The following CAVIN4 variants were observed in gnomAD, a reference collection of about 807,000 sequenced individuals.
CAVIN4 encodes the protein caveolae-associated protein 4.
A neutral mutation model predicts 18.6 loss-of-function variants in CAVIN4; 10 were observed. The observed-to-expected ratio is 0.54, with a 90% CI of 0.33 to 0.91. CAVIN4 has a LOEUF of 0.91. CAVIN4 is among the 40% of genes least tolerant of loss of function. The probability of loss-of-function intolerance (pLI) is 0.02; values close to 1 mark genes in which losing one functional copy is unlikely to be tolerated. For synonymous variants in CAVIN4, 173 were observed against 164.8 expected (o/e 1.05, Z -0.38); for missense variants, 459 against 440.5 (o/e 1.04, Z -0.38).
intron 1 of CAVIN4, chr9:100,580,953 T>G (rs1026448401): frequency 6.6e-6 from 1 of 152,236 alleles, no homozygotes; most frequent in African/African-American, 2.4e-5. Context: ...ATCATCATAG[T>G]TAAGGTATAT....
Position 100,586,519 on chromosome 9 carries a change from G to A in CAVIN4, c.*68G>A, listed in dbSNP as rs183034024. ...CAGTTTTAGTTTGAATAGTGTAGTC[G>A]TCTACATTTCTGTGCCATGTAGGAA... On this transcript the variant is annotated 3_prime_UTR_variant, in exon 2 of 2. Transcript: ENST00000307584. 43 of 1,279,750 alleles carry A rather than the reference G, an allele frequency of 3.4e-5. No individual in the cohort carries two copies. The highest frequency in any genetic ancestry group is 1.2e-4 in the East Asian group (5 of 42,912). The allele number at this position is 1,279,750 out of a possible 1,614,324, so 79.3% of individuals were successfully genotyped here.
chr9:100,586,307 A>T lies in CAVIN4; in HGVS notation c.951A>T (p.Pro317=). 1 of 1,613,694 alleles carries T rather than the reference A, an allele frequency of 6.2e-7. No individual in the cohort carries two copies. The highest frequency in any genetic ancestry group is 8.5e-7 in the Non-Finnish European group (1 of 1,179,770). Residue 317 remains proline, a synonymous_variant, in exon 2 of 2, where the codon CCA becomes CCT. Transcript: ENST00000307584. ...SELYSDELSE[P]EHEAARPVYP... ...TCTACTCTGATGAGCTCAGTGAACC[A>T]GAACACGAGGCAGCCAGGCCGGTGT...
rs145806459 is a variant in CAVIN4, at chr9:100,583,224, T to C, written c.409-2541T>C. On this transcript the variant is annotated intron_variant, in intron 1 of 1. Coordinates refer to ENST00000307584, the MANE Select transcript of CAVIN4 (RefSeq NM_001018116.2). The stretch of plus-strand genomic sequence containing the variant: ...TCTACTCAGCTGCCTGCTCAGTGCC[T>C]CTGCCTGCATGGCTAGTGGGTGTCT... Among the ~76,000 whole-genome samples the C allele has an allele frequency of 2.0e-5, 3 of 152,308 alleles. No homozygotes were observed. The East Asian group carries it at 5.8e-4, about 29-fold the overall frequency.
intron 1 of CAVIN4, among the ~76,000 whole-genome samples, chr9:100,582,433 A>G (rs1839438733): frequency 6.6e-6 from 1 of 151,946 alleles, no homozygotes; most frequent in Non-Finnish European, 1.5e-5. Flanking sequence ...GCAGCCTCCA[A>G]CTGCTGGGGG....
At chr9:100,583,684 T>C (rs1341613585) in intron 1 of CAVIN4, among the ~76,000 whole-genome samples, 1 of 151,514 alleles carries the variant, frequency 6.6e-6, no homozygotes, top group Non-Finnish European at 1.5e-5. Context: ...TCTTGCTGTG[T>C]CACCCAGGCT....
chr9:100,586,362 A>C lies in CAVIN4; in HGVS notation c.1006A>C (p.Thr336Pro), dbSNP rs1587868838. ...TCCCCATGAAGGAAGGGAAATCCCCACCCCCGAGCCTTTAAAAGTTACTTT... is the reference window on the plus strand; with the variant it reads ...TCCCCATGAAGGAAGGGAAATCCCCCCCCCCGAGCCTTTAAAAGTTACTTT... ...YPPHEGREIP[T>P]PEPLKVTFKS... The change falls in exon 2 of 2, where the codon ACC becomes CCC. Residue 336 changes from threonine (T) to proline (P), a missense_variant. By Grantham distance (38) the Thr-to-Pro change is conservative (BLOSUM62 -1). Coordinates refer to ENST00000307584, the MANE Select transcript of CAVIN4 (RefSeq NM_001018116.2). 6.2e-7 allele frequency: 1 copy of C among 1,613,920 alleles called. No homozygotes were observed. Among genetic ancestry groups the C allele is most frequent in the Non-Finnish European group, 8.5e-7 (1 of 1,179,990 alleles).
In CAVIN4 at chr9:100,582,871, C is replaced by A. The variant is rs138595796; in HGVS notation, c.409-2894C>A. Among the ~76,000 whole-genome samples the A allele has an allele frequency of 2.7e-3, 407 of 152,270 alleles. 3 individuals carry two copies. The highest frequency in any genetic ancestry group is 9.1e-3 in the African/African-American group (379 of 41,556). On this transcript the variant is annotated intron_variant, in intron 1 of 1. Coordinates refer to ENST00000307584, the MANE Select transcript of CAVIN4 (RefSeq NM_001018116.2). ...ACCTGAAATTATTCAGTGGAAAAACCTGACCTAAAGTAGCAGGAGGCTATT... is the reference window on the plus strand; with the variant it reads ...ACCTGAAATTATTCAGTGGAAAAACATGACCTAAAGTAGCAGGAGGCTATT...
rs1839505153 is a variant in CAVIN4 at position 100,588,319 on chromosome 9, A to G, written c.*1868A>G. Among the ~76,000 whole-genome samples, 1 of 152,212 alleles carries G rather than the reference A, an allele frequency of 6.6e-6. No individual in the cohort carries two copies. The highest frequency in any genetic ancestry group is 2.4e-5 in the African/African-American group (1 of 41,454). On this transcript the variant is annotated 3_prime_UTR_variant, in exon 2 of 2. Transcript: ENST00000307584. ...AATAATTTTAAAATGTTTTTATGAC[A>G]TTTTGGAAAGATCTTGGGTGCCTAA...
chr9:100,586,525 A>T lies in CAVIN4; in HGVS notation c.*74A>T. On this transcript the variant is annotated 3_prime_UTR_variant, in exon 2 of 2. Coordinates refer to ENST00000307584, the MANE Select transcript of CAVIN4 (RefSeq NM_001018116.2). ...TAGTTTGAATAGTGTAGTCGTCTAC[A>T]TTTCTGTGCCATGTAGGAAAACATA... The T allele has an allele frequency of 8.7e-7, 1 of 1,151,088 alleles. No homozygotes were observed. Among genetic ancestry groups the T allele is most frequent in the South Asian group, 1.4e-5 (1 of 70,296 alleles). 71.3% of individuals were successfully genotyped at this position (1,151,088 alleles called of 1,614,324 possible). A position where few individuals can be genotyped will look rare whatever the true frequency, so the allele number is the denominator to read the frequency against.
chr9:100,586,842 A>C lies in CAVIN4; in HGVS notation c.*391A>C, dbSNP rs568240736. ...TCAACAGATTTGTTAGTAAATTAGC[A>C]GTCACACCCCTTTTTTGATGCTTTC... On this transcript the variant is annotated 3_prime_UTR_variant, in exon 2 of 2. Coordinates refer to ENST00000307584, the MANE Select transcript of CAVIN4 (RefSeq NM_001018116.2). 1 of 156,300 alleles carries C rather than the reference A, an allele frequency of 6.4e-6. No homozygotes were observed. Among genetic ancestry groups the C allele is most frequent in the East Asian group, 1.9e-4 (1 of 5,354 alleles). 9.7% of individuals were successfully genotyped at this position (156,300 alleles called of 1,614,324 possible). A position where few individuals can be genotyped will look rare whatever the true frequency, so the allele number is the denominator to read the frequency against.
intron 1 of CAVIN4, among the ~76,000 whole-genome samples, chr9:100,579,918 G>C (rs967741602): frequency 1.3e-4 from 20 of 152,118 alleles, no homozygotes; most frequent in Non-Finnish European, 1.5e-5. Context: ...TGGTGGAGTG[G>C]TATTTTAGGT....
rs1175054842 is a variant in CAVIN4 at position 100,585,903 on chromosome 9, A to G, written c.547A>G (p.Arg183Gly). The change falls in exon 2 of 2, where the codon AGA becomes GGA. Residue 183 changes from arginine (R) to glycine (G), a missense_variant. Coordinates refer to ENST00000307584, the MANE Select transcript of CAVIN4 (RefSeq NM_001018116.2). Reference sequence around the variant, plus strand: ...TGAAGAATATTATGTTGAAGAAAGCAGATCTGCCAGGCTTAGGAAGTCAGG... The same window carrying G: ...TGAAGAATATTATGTTGAAGAAAGCGGATCTGCCAGGCTTAGGAAGTCAGG... ...SDEEYYVEESRSARLRKSGKE... is the reference protein window; with the variant it reads ...SDEEYYVEESGSARLRKSGKE... 2 of 1,614,236 alleles carry G rather than the reference A, an allele frequency of 1.2e-6. No individual in the cohort carries two copies. The highest frequency in any genetic ancestry group is 2.2e-5 in the South Asian group (2 of 91,086).
At position 100,587,588 on chromosome 9, in the gene CAVIN4, T is replaced by C. The variant is rs1323840614; in HGVS notation, c.*1137T>C. On this transcript the variant is annotated 3_prime_UTR_variant, in exon 2 of 2. Transcript: ENST00000307584. ...CCAGGAAGTAGAACAATGTCTATTG[T>C]TGCTAAAGAAAGAAAGAAATGGGCC... is the stretch of plus-strand genomic sequence containing the variant. 1 of 152,176 alleles carries C rather than the reference T, an allele frequency of 6.6e-6. No individual in the cohort carries two copies. The highest frequency in any genetic ancestry group is 6.5e-5 in the Admixed American group (1 of 15,278). 9.4% of individuals were successfully genotyped at this position (152,176 alleles called of 1,614,324 possible). A position where few individuals can be genotyped will look rare whatever the true frequency, so the allele number is the denominator to read the frequency against.
Position 100,587,544 on chromosome 9 carries a change from T to C in CAVIN4, c.*1093T>C, listed in dbSNP as rs924707463. The C allele has an allele frequency of 5.9e-5, 9 of 152,302 alleles. No individual in the cohort carries two copies. Among genetic ancestry groups the C allele is most frequent in the Non-Finnish European group, 7.4e-5 (5 of 68,020 alleles). The allele number at this position is 152,302 out of a possible 1,614,324, so 9.4% of individuals were successfully genotyped here. On this transcript the variant is annotated 3_prime_UTR_variant, in exon 2 of 2. Coordinates refer to ENST00000307584, the MANE Select transcript of CAVIN4 (RefSeq NM_001018116.2). ...AGGAAGCCAGATTCTCCTTATCTTTTAGCTTTAGATCGTGGAATCCAGGAA... is the reference window on the plus strand; with the variant it reads ...AGGAAGCCAGATTCTCCTTATCTTTCAGCTTTAGATCGTGGAATCCAGGAA...
chr9:100,584,710 A>G (rs925416754), intron 1 of CAVIN4, among the ~76,000 whole-genome samples: 2 of 152,232 alleles, frequency 1.3e-5, no homozygotes, highest in Non-Finnish European at 2.9e-5. Context: ...AAAGAGGTGA[A>G]AGGGAACCTA....
At chr9:100,578,757 A>T (rs1273660675) in intron 1 of CAVIN4, among the ~76,000 whole-genome samples, 1 of 152,228 alleles carries the variant, frequency 6.6e-6, no homozygotes, top group African/African-American at 2.4e-5. Context: ...TGAGCTTCTC[A>T]ACCATTTCAT....
At chr9:100,577,331 A>C (rs1009659646), upstream of CAVIN4, 1 of 152,638 alleles carries the variant, frequency 6.6e-6, no homozygotes, top group African/African-American at 2.4e-5. Flanking sequence ...TTGTTTTAAC[A>C]TAAATAAACA....
intron 1 of CAVIN4, among the ~76,000 whole-genome samples, chr9:100,579,316 T>C (rs1160979033): frequency 6.6e-6 from 1 of 152,192 alleles, no homozygotes; most frequent in Non-Finnish European, 1.5e-5. Context: ...ATATCTATGG[T>C]ATATTTTCAA....
upstream of CAVIN4, chr9:100,576,918 C>T: frequency 5.3e-6 from 1 of 189,032 alleles, no homozygotes; most frequent in Non-Finnish European, 1.1e-5. Context: ...CCACTTCTTC[C>T]ACAATGACCA....
Sources: allele counts gnomAD v4.1 joint callset (sites outside exome capture counted in the v4.1 genomes callset), GRCh38; gene constraint gnomAD v4.1.1; transcripts MANE v1.5; gene names NCBI Gene and HGNC (gene_info 2026-07-23, HGNC 2026-07-21).